The following COL5A2 variants were observed in gnomAD, a reference collection of about 807,000 sequenced individuals.
COL5A2 encodes collagen alpha-2(V) chain.
COL5A2 carries 23 observed loss-of-function variants against 208.2 expected under a neutral mutation model. The ratio of observed to expected loss-of-function variants is 0.11; its 90% CI spans 0.08 to 0.16. The LOEUF is 0.16. COL5A2 is among the 10% of genes least tolerant of loss of function. The pLI is 1.00. For synonymous variants in COL5A2, 625 were observed against 628.5 expected (o/e 0.99, Z 0.08); for missense variants, 1,590 against 1,956.4 (o/e 0.81, Z 3.53).
At chr2:189,339,944 C>T in the COL5A2 span, among the ~76,000 whole-genome samples, 1 of 152,182 alleles carries the variant, frequency 6.6e-6, no homozygotes, top group Non-Finnish European at 1.5e-5. Context: ...AAACCATAAA[C>T]ATCAGTTCTA....
chr2:189,351,834 T>C, the COL5A2 span, among the ~76,000 whole-genome samples: 1 of 152,100 alleles, frequency 6.6e-6, no homozygotes, highest in Non-Finnish European at 1.5e-5. Context: ...ATACTTTAAG[T>C]TCTGGAGTTA....
At chr2:189,152,987 A>G (rs1286991936) in intron 1 of COL5A2, among the ~76,000 whole-genome samples, 1 of 152,204 alleles carries the variant, frequency 6.6e-6, no homozygotes, top group African/African-American at 2.4e-5. Flanking sequence ...TCAGAGTGTA[A>G]AAGGACATAT....
chr2:189,250,919 G>T, the COL5A2 span, among the ~76,000 whole-genome samples: 1 of 152,118 alleles, frequency 6.6e-6, no homozygotes, highest in Non-Finnish European at 1.5e-5. Context: ...GCTTTAGTCA[G>T]AGACTAAAAA....
the COL5A2 span, among the ~76,000 whole-genome samples, chr2:189,293,116 A>G: frequency 5.0e-5 from 7 of 140,464 alleles, no homozygotes; most frequent in African/African-American, 1.8e-4. Flanking sequence ...GGGTGGGGGG[A>G]GTGGGGAGGG....
intron 1 of COL5A2, among the ~76,000 whole-genome samples, chr2:189,189,455 C>T (rs551329590): frequency 2.0e-5 from 3 of 152,116 alleles, no homozygotes; most frequent in South Asian, 2.1e-4. Flanking sequence ...AGGCCAAGGC[C>T]GGAGAATCAC....
the COL5A2 span, among the ~76,000 whole-genome samples, chr2:189,261,343 T>C: frequency 1.3e-5 from 2 of 152,096 alleles, no homozygotes; most frequent in South Asian, 4.1e-4. Flanking sequence ...AGTAAGTACA[T>C]TCTGGAAAAC....
chr2:189,040,298 T>C (rs1459533308), intron 50 of COL5A2, among the ~76,000 whole-genome samples: 2 of 150,380 alleles, frequency 1.3e-5, no homozygotes, highest in Non-Finnish European at 2.9e-5. Context: ...TTCCTAGCCT[T>C]AGCCTTTGAA....
intron 1 of COL5A2, among the ~76,000 whole-genome samples, chr2:189,118,594 A>C (rs1687441556): frequency 6.6e-6 from 1 of 152,102 alleles, no homozygotes; most frequent in South Asian, 2.1e-4. Context: ...GATCCCATTC[A>C]TTTCAGTACC....
intron 1 of COL5A2, among the ~76,000 whole-genome samples, chr2:189,168,659 A>G (rs1688517284): frequency 6.6e-6 from 1 of 152,174 alleles, no homozygotes; most frequent in Admixed American, 6.5e-5. Flanking sequence ...AAAATATTAA[A>G]TCTCTATAAA....
intron 19 of COL5A2, 30 bp downstream of exon 19, chr2:189,068,756 G>A: frequency 6.9e-7 from 1 of 1,453,576 alleles, no homozygotes; most frequent in East Asian, 2.3e-5. Context: ...CAGCTTTCTG[G>A]GCTGGTTCTT....
intron 1 of COL5A2, among the ~76,000 whole-genome samples, chr2:189,136,491 T>C (rs1263940885): frequency 3.1e-5 from 4 of 129,482 alleles, no homozygotes; most frequent in Non-Finnish European, 6.4e-5. Context: ...ACATTTGGCA[T>C]CTGTATATTT....
chr2:189,087,833 A>C (rs1380410074), intron 8 of COL5A2, among the ~76,000 whole-genome samples: 1 of 148,244 alleles, frequency 6.7e-6, no homozygotes, highest in Non-Finnish European at 1.5e-5. Context: ...TAGTAAGAAA[A>C]GCTCCATTTA....
the COL5A2 span, among the ~76,000 whole-genome samples, chr2:189,307,287 G>A: frequency 0.021 from 3,186 of 152,012 alleles, 69 homozygotes; most frequent in Admixed American, 0.058. Context: ...AAACAAAATC[G>A]AAATATGGTG....
At chr2:189,116,535 T>C (rs1213982229) in intron 1 of COL5A2, among the ~76,000 whole-genome samples, 1 of 152,216 alleles carries the variant, frequency 6.6e-6, no homozygotes, top group African/African-American at 2.4e-5. Flanking sequence ...GGGGGATCTA[T>C]TACATACTTT....
At chr2:189,394,629 A>G in the COL5A2 span, among the ~76,000 whole-genome samples, 1 of 152,184 alleles carries the variant, frequency 6.6e-6, no homozygotes, top group Non-Finnish European at 1.5e-5. Context: ...TTGTTTAGCT[A>G]TCCAGTCTGT....
chr2:189,334,914 T>G, the COL5A2 span, among the ~76,000 whole-genome samples: 1 of 151,950 alleles, frequency 6.6e-6, no homozygotes, highest in African/African-American at 2.4e-5. Flanking sequence ...ATTTCAGAAA[T>G]AGACAACATA....
intron 3 of COL5A2, among the ~76,000 whole-genome samples, chr2:189,104,027 C>G (rs1025411106): frequency 1.3e-5 from 2 of 151,980 alleles, no homozygotes; most frequent in Non-Finnish European, 2.9e-5. Context: ...AAAGATGTCA[C>G]AACTTTCTGG....
At chr2:189,129,362 TC>T (rs1407581837) in intron 1 of COL5A2, among the ~76,000 whole-genome samples, 1 of 151,986 alleles carries the variant, frequency 6.6e-6, no homozygotes, top group Non-Finnish European at 1.5e-5. Flanking sequence ...AATCTGAAAA[TC>T]CATGTTTTTC....
the COL5A2 span, among the ~76,000 whole-genome samples, chr2:189,295,328 G>A: frequency 6.6e-6 from 1 of 152,210 alleles, no homozygotes; most frequent in Admixed American, 6.5e-5. Flanking sequence ...CCCTGGCTGG[G>A]GACTGTGGCT....
Sources: gnomAD v4.1 joint callset for allele counts (sites outside exome capture counted in the v4.1 genomes callset) on GRCh38, gnomAD v4.1.1 for gene constraint, MANE v1.5 for transcripts, NCBI Gene and HGNC (gene_info 2026-07-23, HGNC 2026-07-21) for gene names.